FLVCR1: variants seen among roughly 807,000 people sequenced by gnomAD.
FLVCR1 encodes FLVCR choline and heme transporter 1.
In FLVCR1, 34 loss-of-function variants were observed where a neutral mutation model predicts 53.6. That is an observed-to-expected ratio of 0.63 (90% CI 0.48 to 0.84). The LOEUF is 0.84. FLVCR1 is among the 40% of genes least tolerant of loss of function. The pLI, the probability that FLVCR1 is intolerant of heterozygous loss-of-function variation, is 0.00. For missense variants in FLVCR1, 677 were observed against 696.7 expected (o/e 0.97, Z 0.32); for synonymous variants, 300 against 286.3 (o/e 1.05, Z -0.48).
chr1:212,895,674 T>C lies in FLVCR1; in HGVS notation c.*384T>C, dbSNP rs886045931. ...TGGGGTGTTCAGTCCCCATAAGATA[T>C]AATAGTTCATGCAGTTTATATATTA... On this transcript the variant is annotated 3_prime_UTR_variant, in exon 10 of 10. Transcript: ENST00000366971. The C allele has an allele frequency of 3.5e-6, 1 of 285,958 alleles. No individual in the cohort carries two copies. The highest frequency in any genetic ancestry group is 6.7e-6 in the Non-Finnish European group (1 of 148,330). 17.7% of individuals were successfully genotyped at this position (285,958 alleles called of 1,614,324 possible).
intron 3 of FLVCR1, among the ~76,000 whole-genome samples, chr1:212,875,071 A>G (rs768613667): frequency 6.6e-6 from 1 of 152,092 alleles, no homozygotes. Flanking sequence ...TGTTTGCCTC[A>G]CTTATTGTTC....
chr1:212,894,492 A>G (rs899879327), intron 8 of FLVCR1, among the ~76,000 whole-genome samples: 1 of 152,124 alleles, frequency 6.6e-6, no homozygotes, highest in Admixed American at 6.5e-5. Context: ...TGAACCCACA[A>G]TGTCTCTGAG....
At position 212,898,892 on chromosome 1, in the gene FLVCR1, C is replaced by G. The variant is rs781159643; in HGVS notation, c.*3602C>G. The G allele has an allele frequency of 2.6e-5, 4 of 152,208 alleles. No homozygotes were observed. Among genetic ancestry groups the G allele is most frequent in the Non-Finnish European group, 5.9e-5 (4 of 68,042 alleles). 9.4% of individuals were successfully genotyped at this position (152,208 alleles called of 1,614,324 possible). A position where few individuals can be genotyped will look rare whatever the true frequency, so the allele number is the denominator to read the frequency against. ...GTAGGCAACTGTAACACAATGGTAT[C>G]TGTGTAATCTAAACATAGAACAGAT... On this transcript the variant is annotated 3_prime_UTR_variant, in exon 10 of 10. Coordinates refer to ENST00000366971, the MANE Select transcript of FLVCR1 (RefSeq NM_014053.4).
rs550156967 is a variant in FLVCR1 at position 212,882,266 on chromosome 1, T to G, written c.1025-1105T>G. ...TATTGACAGGACGAGATAATTAAAT[T>G]GAAGTATATTAACATAATAGAATAC... On this transcript the variant is annotated intron_variant, in intron 3 of 9. Transcript: ENST00000366971. Among the ~76,000 whole-genome samples the G allele has an allele frequency of 2.6e-3, 396 of 152,266 alleles. 3 individuals carry two copies. The highest frequency in any genetic ancestry group is 9.1e-3 in the African/African-American group (379 of 41,552).
intron 2 of FLVCR1, among the ~76,000 whole-genome samples, chr1:212,868,487 C>T (rs1235284871): frequency 2.0e-5 from 3 of 152,240 alleles, no homozygotes; most frequent in Admixed American, 2.0e-4. Context: ...GATCTCCGCT[C>T]ACCGCAACCT....
chr1:212,889,200 C>T lies in FLVCR1; in HGVS notation c.1468C>T (p.Pro490Ser). ...AGGAAAGCTCACATCAGACTATGGTCCTAAGGCAGGGAACATTTTTCTCTG... is the reference window on the plus strand; with the variant it reads ...AGGAAAGCTCACATCAGACTATGGTTCTAAGGCAGGGAACATTTTTCTCTG... ...AQGKLTSDYG[P>S]KAGNIFLCVW... The change falls in exon 8 of 10, where the codon CCT (proline) becomes TCT (serine). Residue 490 changes from proline (P) to serine (S), a missense_variant. By Grantham distance (74) the Pro-to-Ser change is moderately conservative. Transcript: ENST00000366971. The T allele has an allele frequency of 2.5e-6, 4 of 1,613,756 alleles. No individual in the cohort carries two copies. The highest frequency in any genetic ancestry group is 3.4e-6 in the Non-Finnish European group (4 of 1,179,834).
intron 8 of FLVCR1, among the ~76,000 whole-genome samples, chr1:212,891,037 C>T (rs1665178395): frequency 6.6e-6 from 1 of 152,160 alleles, no homozygotes; most frequent in Admixed American, 6.6e-5. Context: ...AATACATTAA[C>T]TGCTTTAACT....
At chr1:212,882,446 A>G (rs557573427) in intron 3 of FLVCR1, among the ~76,000 whole-genome samples, 1 of 152,264 alleles carries the variant, frequency 6.6e-6, no homozygotes, top group East Asian at 1.9e-4. Flanking sequence ...GAATATGCAT[A>G]TATGGTAATA....
intron 1 of FLVCR1, among the ~76,000 whole-genome samples, chr1:212,862,435 CT>C (rs147432872): frequency 0.015 from 2,225 of 152,234 alleles, 60 homozygotes; most frequent in African/African-American, 0.051. Flanking sequence ...AGTAGGTGAC[CT>C]TTTGTGTCTG....
Position 212,858,569 on chromosome 1 carries a change from G to A in FLVCR1, c.117G>A (p.Gln39=), listed in dbSNP as rs1214471218. ...APVGKESVEL[Q]NGPKAGTFPV... ...TTGGGAAGGAGAGCGTGGAGCTGCA[G>A]AACGGGCCCAAAGCGGGCACCTTCC... Residue 39 remains glutamine, a synonymous_variant, in exon 1 of 10, where the codon CAG becomes CAA. Transcript: ENST00000366971. 1.3e-5 allele frequency: 19 copies of A among 1,487,844 alleles called. No homozygotes were observed. The highest frequency in any genetic ancestry group is 1.7e-5 in the Non-Finnish European group (19 of 1,119,118). 92.2% of individuals were successfully genotyped at this position (1,487,844 alleles called of 1,614,324 possible).
In FLVCR1 at chr1:212,858,450, G is replaced by T; in HGVS notation, c.-3G>T. 7.0e-7 allele frequency: 1 copy of T among 1,436,328 alleles called. No individual in the cohort carries two copies. The allele number at this position is 1,436,328 out of a possible 1,614,324, so 89.0% of individuals were successfully genotyped here. On this transcript the variant is annotated 5_prime_UTR_variant, in exon 1 of 10. Transcript: ENST00000366971. ...AGCGAGGTGGCGCCGGGGAGCCTGGGATATGGCGCGGCCAGACGATGAGGA... is the reference window on the plus strand; with the variant it reads ...AGCGAGGTGGCGCCGGGGAGCCTGGTATATGGCGCGGCCAGACGATGAGGA...
At chr1:212,876,893 A>G (rs115747083) in intron 3 of FLVCR1, among the ~76,000 whole-genome samples, 4,826 of 152,180 alleles carry the variant, frequency 0.032, 102 homozygotes, top group Non-Finnish European at 0.047. Flanking sequence ...TTCTCCTTCT[A>G]TGTCTTGGAA....
At chr1:212,889,911 G>A (rs1482125046) in intron 8 of FLVCR1, among the ~76,000 whole-genome samples, 2 of 152,138 alleles carry the variant, frequency 1.3e-5, no homozygotes, top group African/African-American at 2.4e-5. Context: ...GTTAAAGCCT[G>A]CTTTATAGGG....
intron 6 of FLVCR1, 106 bp downstream of exon 6, chr1:212,888,107 AT>A: frequency 2.8e-6 from 2 of 726,224 alleles, no homozygotes; most frequent in Non-Finnish European, 2.4e-6. Flanking sequence ...TTTCTTCAAT[AT>A]TTTAAACTTT....
Position 212,867,878 on chromosome 1 carries a change from A to G in FLVCR1, c.883+4009A>G, listed in dbSNP as rs546764776. On this transcript the variant is annotated intron_variant, in intron 2 of 9. Transcript: ENST00000366971. Reference sequence around the variant, plus strand: ...GAGTACAGTGGCGCGATCTTGGCTCACTGCAAGCTCTGCCTCCCGGGTTCA... The same window carrying G: ...GAGTACAGTGGCGCGATCTTGGCTCGCTGCAAGCTCTGCCTCCCGGGTTCA... 1.8e-4 allele frequency among the ~76,000 whole-genome samples: 27 copies of G among 147,698 alleles called. No homozygotes were observed. The South Asian group carries it at 5.5e-3, about 30-fold the overall frequency.
At chr1:212,888,026 G>A (rs376913718) in intron 6 of FLVCR1, 25 bp downstream of exon 6, 2 of 1,230,198 alleles carry the variant, frequency 1.6e-6, no homozygotes, top group Non-Finnish European at 2.4e-6. Flanking sequence ...TGTTTAGGAG[G>A]AATGATAGCA....
intron 1 of FLVCR1, among the ~76,000 whole-genome samples, chr1:212,862,499 C>T (rs962331148): frequency 6.6e-6 from 1 of 152,180 alleles, no homozygotes; most frequent in African/African-American, 2.4e-5. Flanking sequence ...AGCACTGTAT[C>T]AGTACTTCAT....
At chr1:212,890,791 G>C (rs2102572081) in intron 8 of FLVCR1, among the ~76,000 whole-genome samples, 1 of 152,292 alleles carries the variant, frequency 6.6e-6, no homozygotes, top group South Asian at 2.1e-4. Context: ...TGGAATACCT[G>C]ATCATTCTTT....
chr1:212,873,170 G>T (rs528484256), intron 3 of FLVCR1, among the ~76,000 whole-genome samples: 3 of 151,932 alleles, frequency 2.0e-5, no homozygotes, highest in African/African-American at 7.3e-5. Flanking sequence ...AAAATCAGCT[G>T]GGCATGGTGG....
Sources: allele counts gnomAD v4.1 joint callset (sites outside exome capture counted in the v4.1 genomes callset), GRCh38; gene constraint gnomAD v4.1.1; transcripts MANE v1.5; gene names NCBI Gene and HGNC (gene_info 2026-07-23, HGNC 2026-07-21).